The following ZBTB20 variants were observed in gnomAD, a reference collection of about 807,000 sequenced individuals.
The protein encoded by ZBTB20 is zinc finger and BTB domain containing 20.
In ZBTB20, 9 loss-of-function variants were observed where a neutral mutation model predicts 56.9. That is an observed-to-expected ratio of 0.16 (90% CI 0.10 to 0.28). The LOEUF is 0.28. Ranked by LOEUF, ZBTB20 falls within the 10% of genes least tolerant of loss-of-function variation. The pLI is 1.00. For synonymous variants in ZBTB20, 417 were observed against 420.7 expected (o/e 0.99, Z 0.11); for missense variants, 655 against 1,003.0 (o/e 0.65, Z 4.69).
At chr3:114,391,140 T>C (rs966745785) in intron 7 of ZBTB20, among the ~76,000 whole-genome samples, 6 of 152,212 alleles carry the variant, frequency 3.9e-5, no homozygotes, top group African/African-American at 1.2e-4. Flanking sequence ...AGCTCCTGAC[T>C]GGTTTCACTT....
chr3:114,399,537 T>G (rs2086636072), intron 7 of ZBTB20, among the ~76,000 whole-genome samples: 1 of 152,164 alleles, frequency 6.6e-6, no homozygotes, highest in African/African-American at 2.4e-5. Flanking sequence ...TTGGAATTTT[T>G]ATTGCAGGAG....
intron 1 of ZBTB20, among the ~76,000 whole-genome samples, chr3:115,080,010 T>C (rs956089929): frequency 1.3e-5 from 2 of 152,200 alleles, no homozygotes; most frequent in Non-Finnish European, 2.9e-5. Context: ...TAGCTCAGTG[T>C]TACAAACTGA....
At chr3:114,941,185 A>G (rs921411708) in intron 3 of ZBTB20, among the ~76,000 whole-genome samples, 1 of 146,364 alleles carries the variant, frequency 6.8e-6, no homozygotes, top group South Asian at 2.1e-4. Flanking sequence ...ACTAATAATG[A>G]TGGGGATAAC....
chr3:114,887,818 A>T (rs1395442559), intron 4 of ZBTB20, among the ~76,000 whole-genome samples: 2 of 152,228 alleles, frequency 1.3e-5, no homozygotes, highest in African/African-American at 4.8e-5. Context: ...GGACTAAAAC[A>T]GAGGAAGACA....
At chr3:114,557,925 T>C (rs187262393) in intron 6 of ZBTB20, among the ~76,000 whole-genome samples, 7 of 152,180 alleles carry the variant, frequency 4.6e-5, no homozygotes, top group African/African-American at 1.7e-4. Flanking sequence ...TTTCAGTTGG[T>C]TGACAAGGAA....
At chr3:115,026,571 C>T (rs920103089) in intron 2 of ZBTB20, among the ~76,000 whole-genome samples, 2 of 150,742 alleles carry the variant, frequency 1.3e-5, no homozygotes, top group African/African-American at 4.9e-5. Flanking sequence ...GAGACCAACC[C>T]CTTTACCTAA....
rs185094009 is a variant in ZBTB20 at position 114,350,109 on chromosome 3, A to G, written c.1804+165T>C. Among the ~76,000 whole-genome samples, 73 of 152,232 alleles carry G rather than the reference A, an allele frequency of 4.8e-4. No individual in the cohort carries two copies. The South Asian group carries it at 6.7e-3, about 14-fold the overall frequency. ...CTTGGTGGCAGGGTGCTTTGTTCTT[A>G]TGATGGGAGGAACACAGTTGGGGTT... On this transcript the variant is annotated intron_variant, in intron 11 of 11. Coordinates refer to ENST00000675478, the MANE Select transcript of ZBTB20 (RefSeq NM_001348800.3).
At chr3:114,682,746 T>C (rs2062059520) in intron 6 of ZBTB20, among the ~76,000 whole-genome samples, 2 of 152,306 alleles carry the variant, frequency 1.3e-5, no homozygotes, top group Non-Finnish European at 2.9e-5. Context: ...ATAGACCGGA[T>C]TACTTTCTCT....
At chr3:115,050,297 TTTAG>T (rs1226541986) in intron 2 of ZBTB20, among the ~76,000 whole-genome samples, 1 of 150,610 alleles carries the variant, frequency 6.6e-6, no homozygotes, top group Non-Finnish European at 1.5e-5. Flanking sequence ...TTTATATGAC[TTTAG>T]TTATAATTAT....
At chr3:114,922,939 G>C (rs949755642) in intron 3 of ZBTB20, among the ~76,000 whole-genome samples, 1 of 152,184 alleles carries the variant, frequency 6.6e-6, no homozygotes, top group Non-Finnish European at 1.5e-5. Flanking sequence ...CATGAGGTTT[G>C]TGGGGACAGA....
intron 5 of ZBTB20, among the ~76,000 whole-genome samples, chr3:114,728,394 T>A (rs1162502339): frequency 1.3e-5 from 2 of 152,214 alleles, no homozygotes; most frequent in South Asian, 2.1e-4. Flanking sequence ...AATTAATCTT[T>A]ATTAAATATC....
At chr3:114,788,145 A>G (rs1234039639) in intron 5 of ZBTB20, among the ~76,000 whole-genome samples, 1 of 152,104 alleles carries the variant, frequency 6.6e-6, no homozygotes, top group African/African-American at 2.4e-5. Context: ...ACTGCAATGT[A>G]TTTTCACTGA....
rs1390070023 is a variant in ZBTB20 at position 114,326,618 on chromosome 3, A to G, written c.*12387T>C. On this transcript the variant is annotated 3_prime_UTR_variant, in exon 12 of 12. Transcript: ENST00000675478. ...AAAAATCCTTTACTATCTTGAGAAG[A>G]AAGAAAGGGAAACAAATAAATCAAC... The G allele has an allele frequency of 7.0e-6, 1 of 142,482 alleles. No individual in the cohort carries two copies. The highest frequency in any genetic ancestry group is 1.6e-5 in the Non-Finnish European group (1 of 64,480). The allele number at this position is 142,482 out of a possible 1,614,324, so 8.8% of individuals were successfully genotyped here.
Position 114,522,817 on chromosome 3 carries a change from G to A in ZBTB20, c.-294-22426C>T, listed in dbSNP as rs149904843. ...AGCGTTATTTACCAATATTGGGGAG[G>A]CTATGTATTTGCTTGGTAAAATAAG... On this transcript the variant is annotated intron_variant, in intron 6 of 11. Transcript: ENST00000675478. Among the ~76,000 whole-genome samples the A allele has an allele frequency of 1.3e-3, 198 of 152,286 alleles. 2 individuals are homozygous for A. The East Asian group carries it at 0.016, about 13-fold the overall frequency.
At chr3:114,963,824 C>T (rs1017752447) in intron 3 of ZBTB20, among the ~76,000 whole-genome samples, 2 of 151,928 alleles carry the variant, frequency 1.3e-5, no homozygotes, top group African/African-American at 4.8e-5. Flanking sequence ...ACTTTTGTTT[C>T]CTTACTGAAA....
intron 6 of ZBTB20, among the ~76,000 whole-genome samples, chr3:114,593,355 G>C (rs1323355545): frequency 6.6e-6 from 1 of 151,564 alleles, no homozygotes; most frequent in Non-Finnish European, 1.5e-5. Flanking sequence ...TAGGGGAGAG[G>C]GAGAGATTTT....
chr3:114,626,526 A>G (rs1456446300), intron 6 of ZBTB20, among the ~76,000 whole-genome samples: 1 of 152,182 alleles, frequency 6.6e-6, no homozygotes, highest in Non-Finnish European at 1.5e-5. Context: ...GATTGAGAGG[A>G]ATCAATATGA....
intron 7 of ZBTB20, among the ~76,000 whole-genome samples, chr3:114,440,325 C>G (rs573630640): frequency 6.6e-6 from 1 of 152,146 alleles, no homozygotes; most frequent in East Asian, 1.9e-4. Context: ...GCGATTTGTC[C>G]TGTAAGGAAG....
At chr3:114,582,887 C>T (rs763675232) in intron 6 of ZBTB20, among the ~76,000 whole-genome samples, 5 of 152,212 alleles carry the variant, frequency 3.3e-5, no homozygotes, top group Admixed American at 6.5e-5. Flanking sequence ...TTTTCATTCA[C>T]TTCTTGACTG....
Sources: gnomAD v4.1 joint callset for allele counts (sites outside exome capture counted in the v4.1 genomes callset) on GRCh38, gnomAD v4.1.1 for gene constraint, MANE v1.5 for transcripts, NCBI Gene and HGNC (gene_info 2026-07-23, HGNC 2026-07-21) for gene names.